The following RBM6 variants were observed in gnomAD, a reference collection of about 807,000 sequenced individuals.
RBM6 encodes the protein RNA binding motif protein 6, also known as RNA-binding protein 6.
Under a neutral mutation model 140.4 loss-of-function variants are expected in RBM6, and 23 were observed. The observed-to-expected ratio is 0.16, with a 90% CI of 0.12 to 0.23. The LOEUF (loss-of-function observed/expected upper bound fraction) is 0.23. RBM6 is among the 10% of genes least tolerant of loss of function. RBM6 has a pLI of 1.00. For synonymous variants in RBM6, 439 were observed against 475.6 expected (o/e 0.92, Z 1.00); for missense variants, 1,139 against 1,386.7 (o/e 0.82, Z 2.84).
chr3:50,058,715 C>G (rs939771647), intron 10 of RBM6, 153 bp downstream of exon 10: 2 of 697,418 alleles, frequency 2.9e-6, no homozygotes, highest in Non-Finnish European at 4.7e-6. Context: ...GAAATCAAGA[C>G]CATCCTGGCT....
At chr3:50,015,523 T>C (rs1312945379) in intron 6 of RBM6, among the ~76,000 whole-genome samples, 1 of 151,096 alleles carries the variant, frequency 6.6e-6, no homozygotes, top group East Asian at 1.9e-4. Context: ...CTCCGCCTCC[T>C]GGGTTCATGC....
intron 7 of RBM6, among the ~76,000 whole-genome samples, chr3:50,051,122 T>C (rs908355650): frequency 2.6e-5 from 4 of 151,894 alleles, no homozygotes; most frequent in African/African-American, 9.7e-5. Context: ...GGCAGATCAC[T>C]TGAGCCCAGG....
intron 6 of RBM6, among the ~76,000 whole-genome samples, chr3:50,014,245 A>G (rs1017500060): frequency 8.5e-5 from 13 of 152,230 alleles, no homozygotes; most frequent in Admixed American, 1.3e-4. Flanking sequence ...ACGGCACTCC[A>G]GACTACCAGT....
intron 6 of RBM6, among the ~76,000 whole-genome samples, chr3:50,026,660 A>G (rs1559602549): frequency 3.3e-5 from 5 of 151,578 alleles, no homozygotes; most frequent in Middle Eastern, 3.4e-3. Flanking sequence ...AAAAAAAAAT[A>G]TAGGACTTTG....
intron 1 of RBM6, among the ~76,000 whole-genome samples, chr3:49,954,152 T>A (rs111292574): frequency 0.071 from 10,178 of 143,988 alleles, 384 homozygotes; most frequent in Non-Finnish European, 0.078. Flanking sequence ...AAAAAAAAAA[T>A]TTATAGGCCG....
At chr3:50,001,460 A>G (rs184526215) in intron 6 of RBM6, among the ~76,000 whole-genome samples, 1 of 152,300 alleles carries the variant, frequency 6.6e-6, no homozygotes, top group East Asian at 1.9e-4. Context: ...CTCAAAAAAC[A>G]AAAAAGTACA....
chr3:50,060,776 AG>A, intron 11 of RBM6, 179 bp from the exon 12 acceptor site: 3 of 407,754 alleles, frequency 7.4e-6, no homozygotes, highest in Non-Finnish European at 4.3e-6. Context: ...AAAAAAAAAA[AG>A]AGTCTTACTG....
chr3:50,060,979 A>T lies in RBM6; in HGVS notation c.2252A>T (p.Asp751Val). 6.3e-7 allele frequency: 1 copy of T among 1,587,236 alleles called. No homozygotes were observed. Among genetic ancestry groups the T allele is most frequent in the Non-Finnish European group, 8.6e-7 (1 of 1,168,370 alleles). ...KRRNDSGDHSDHMHYYQGKKY... is the reference protein window; with the variant it reads ...KRRNDSGDHSVHMHYYQGKKY... ...AGAAATGATTCTGGGGACCATTCTG[A>T]CCACATGCATTACTATCAGGTAGGC... Residue 751 changes from aspartate to valine, a missense_variant, in exon 12 of 21, where the codon GAC (aspartate) becomes GTC (valine). Coordinates refer to ENST00000266022, the MANE Select transcript of RBM6 (RefSeq NM_005777.3).
intron 1 of RBM6, among the ~76,000 whole-genome samples, 157 bp from the exon 2 acceptor site, chr3:49,962,419 G>A (rs2084324913): frequency 1.3e-5 from 2 of 149,820 alleles, no homozygotes; most frequent in South Asian, 2.1e-4. Flanking sequence ...GCGACAGAGC[G>A]AGACTCCATC....
chr3:50,018,879 G>A (rs1422774455), intron 6 of RBM6, among the ~76,000 whole-genome samples: 8 of 151,938 alleles, frequency 5.3e-5, no homozygotes, highest in Non-Finnish European at 1.0e-4. Context: ...GTAAGCCACT[G>A]CACCCAGCCT....
chr3:50,061,408 GT>G, intron 13 of RBM6, 53 bp from the exon 14 acceptor site: 1 of 1,585,198 alleles, frequency 6.3e-7, no homozygotes, highest in Non-Finnish European at 8.5e-7. Context: ...TGAGTCTCCA[GT>G]AAGGGCTTCA....
chr3:49,955,860 CTG>C (rs146300035), intron 1 of RBM6, among the ~76,000 whole-genome samples: 79 of 145,426 alleles, frequency 5.4e-4, no homozygotes, highest in Admixed American at 1.1e-3. Context: ...CTCTCTCTCT[CTG>C]TGTGTGTGTG....
chr3:50,061,148 A>G lies in RBM6; in HGVS notation c.2280A>G (p.Lys760=). The change falls in exon 13 of 21, where the codon AAA becomes AAG. Residue 760 remains lysine, a synonymous_variant. Transcript: ENST00000266022. ...TTGCCTTTCTGTGATAGGGTAAAAA[A>G]TATTTCCGAGATAGGAGGGGAGGTG... ...SDHMHYYQGK[K]YFRDRRGGGR... 1 of 1,614,168 alleles carries G rather than the reference A, an allele frequency of 6.2e-7. No individual in the cohort carries two copies. The highest frequency in any genetic ancestry group is 8.5e-7 in the Non-Finnish European group (1 of 1,180,024).
At chr3:50,062,165 G>A in intron 15 of RBM6, 57 bp downstream of exon 15, 1 of 1,566,096 alleles carries the variant, frequency 6.4e-7, no homozygotes, top group East Asian at 2.3e-5. Context: ...AATGTTGGAG[G>A]TACGAACAGA....
At chr3:50,000,521 A>G (rs899240673) in intron 6 of RBM6, among the ~76,000 whole-genome samples, 2 of 151,366 alleles carry the variant, frequency 1.3e-5, no homozygotes, top group African/African-American at 2.4e-5. Context: ...CCCTGGTTCA[A>G]GCGATTCTCC....
chr3:50,011,293 C>T (rs1193819649), intron 6 of RBM6, among the ~76,000 whole-genome samples: 1 of 152,006 alleles, frequency 6.6e-6, no homozygotes, highest in Non-Finnish European at 1.5e-5. Flanking sequence ...TTAAGCTAAA[C>T]ATCTGAAAGA....
chr3:50,068,050 A>G (rs2090174968), intron 17 of RBM6, among the ~76,000 whole-genome samples: 1 of 152,202 alleles, frequency 6.6e-6, no homozygotes, highest in Admixed American at 6.5e-5. Context: ...ATAAATGGCT[A>G]AAGAGATAAA....
chr3:49,967,790 C>T lies in RBM6; in HGVS notation c.365C>T (p.Ser122Phe), dbSNP rs777349812. The stretch of plus-strand genomic sequence containing the variant: ...GACTTCAGGGGTAGGGACATACATT[C>T]TGGGGATTTTCGGGATAGAGAAGGA... ...QLDFRGRDIH[S>F]GDFRDREGPP... The change falls in exon 3 of 21, where the codon TCT becomes TTT. Residue 122 changes from serine to phenylalanine, a missense_variant. Coordinates refer to ENST00000266022, the MANE Select transcript of RBM6 (RefSeq NM_005777.3). This position sits in a 1 kb window ranked among gnomAD's most constrained non-coding sequence, Gnocchi z 4.0. 1 of 1,613,972 alleles carries T rather than the reference C, an allele frequency of 6.2e-7. No homozygotes were observed. The highest frequency in any genetic ancestry group is 2.2e-5 in the East Asian group (1 of 44,878).
intron 17 of RBM6, among the ~76,000 whole-genome samples, chr3:50,066,821 C>T (rs1302150444): frequency 3.0e-5 from 3 of 101,112 alleles, no homozygotes; most frequent in Non-Finnish European, 3.9e-5. Flanking sequence ...GAGCAAGACT[C>T]CATCTCTTAA....
Sources: gnomAD v4.1 joint callset for allele counts (sites outside exome capture counted in the v4.1 genomes callset) on GRCh38, gnomAD v4.1.1 for gene constraint, Gnocchi (gnomAD v3.1) non-coding constraint, MANE v1.5 for transcripts, NCBI Gene and HGNC (gene_info 2026-07-23, HGNC 2026-07-21) for gene names.